The following RETNLB variants were observed in gnomAD, a reference collection of about 807,000 sequenced individuals.
RETNLB encodes the protein resistin-like beta.
Under a neutral mutation model 6.8 loss-of-function variants are expected in RETNLB, and 11 were observed. The ratio of observed to expected loss-of-function variants is 1.62; its 90% confidence interval spans 1.02 to 2.68. The LOEUF (loss-of-function observed/expected upper bound fraction) is 2.68. Ranked by LOEUF, RETNLB falls within the 30% of genes most tolerant of loss-of-function variation. The pLI, the probability that RETNLB is intolerant of heterozygous loss-of-function variation, is 0.00. For missense variants in RETNLB, 146 were observed against 135.7 expected, an observed-to-expected ratio of 1.08 and a Z score of -0.38; for synonymous variants, 57 against 54.2, an observed-to-expected ratio of 1.05 and a Z score of -0.23.
chr3:108,756,589 C>G lies in RETNLB; in HGVS notation c.128-1G>C. Reference sequence around the variant, plus strand: ...TTGCTTATAGGAGAGGGACTGTACTCTGAGTAGGAAAGAAGAAAGGGTACA... The same window carrying G: ...TTGCTTATAGGAGAGGGACTGTACTGTGAGTAGGAAAGAAGAAAGGGTACA... On this transcript the variant is annotated splice_acceptor_variant, in intron 1 of 2. Transcript: ENST00000295755. LOFTEE classifies it high-confidence loss of function. 6.2e-7 allele frequency: 1 copy of G among 1,605,674 alleles called. No homozygotes were observed. Among genetic ancestry groups the G allele is most frequent in the Non-Finnish European group, 8.5e-7 (1 of 1,172,330 alleles).
intron 1 of RETNLB, 57 bp from the exon 2 acceptor site, chr3:108,756,645 TA>T: frequency 8.2e-7 from 1 of 1,225,730 alleles, no homozygotes; most frequent in Non-Finnish European, 1.2e-6. Context: ...ATAATCCCCT[TA>T]TCCCCTTCCA....
At position 108,757,204 on chromosome 3, in the gene RETNLB, C is replaced by G. The variant is rs1309680558; in HGVS notation, c.-19G>C. On this transcript the variant is annotated 5_prime_UTR_variant, in exon 1 of 3. Transcript: ENST00000295755. ...GCCCCATCCTGTACAGAGTCAGTGT[C>G]CTGGGGCTGGGAGAAAAGATGGAAA... The G allele has an allele frequency of 2.5e-6, 4 of 1,601,470 alleles. No individual in the cohort carries two copies. The highest frequency in any genetic ancestry group is 2.6e-6 in the Non-Finnish European group (3 of 1,173,390).
intron 1 of RETNLB, 77 bp downstream of exon 1, chr3:108,756,982 A>G (rs1945254818): frequency 1.3e-6 from 2 of 1,523,204 alleles, no homozygotes; most frequent in Admixed American, 1.8e-5. Flanking sequence ...GGGATGGGAT[A>G]GAGACAAAGC....
Position 108,756,523 on chromosome 3 carries a change from A to G in RETNLB, c.193T>C (p.Ser65Pro). 6.2e-7 allele frequency: 1 copy of G among 1,611,826 alleles called. No homozygotes were observed. The highest frequency in any genetic ancestry group is 8.5e-7 in the Non-Finnish European group (1 of 1,177,946). ...AGTTACTCACCAGCAGGGCAGGAGG[A>G]CGGTCTGCCTTGGCTTTTGACACTA... Reference protein sequence around the residue: ...CASVKSQGRPSSCPAGMAVTG... With the variant: ...CASVKSQGRPPSCPAGMAVTG... Residue 65 changes from serine (S) to proline (P), a missense_variant, in exon 2 of 3, where the codon TCC becomes CCC. Physicochemically the swap from Ser to Pro is moderately conservative, Grantham distance 74 (BLOSUM62 -1). Coordinates refer to ENST00000295755, the MANE Select transcript of RETNLB (RefSeq NM_032579.3).
chr3:108,755,767 C>A lies in RETNLB; in HGVS notation c.*11G>T. ...CATGGTCACAAAACTGAGTTCTCAGCCTCCTCCCTGTCAGGTCAGGTGGCA... is the reference window on the plus strand; with the variant it reads ...CATGGTCACAAAACTGAGTTCTCAGACTCCTCCCTGTCAGGTCAGGTGGCA... On this transcript the variant is annotated 3_prime_UTR_variant, in exon 3 of 3. Coordinates refer to ENST00000295755, the MANE Select transcript of RETNLB (RefSeq NM_032579.3). 6.2e-7 allele frequency: 1 copy of A among 1,613,004 alleles called. No individual in the cohort carries two copies.
rs775789694 is a variant in RETNLB, at chr3:108,755,821, C to T, written c.293G>A (p.Ser98Asn). The change falls in exon 3 of 3, where the codon AGT becomes AAT. Residue 98 changes from serine to asparagine, a missense_variant. By Grantham distance (46) the Ser-to-Asn change is conservative (BLOSUM62 1). Coordinates refer to ENST00000295755, the MANE Select transcript of RETNLB (RefSeq NM_032579.3). Reference protein sequence around the residue: ...QLETTCHCQCSVVDWTTARCC... With the variant: ...QLETTCHCQCNVVDWTTARCC... ...GCGGGCAGTGGTCCAGTCCACCACA[C>T]TGCACTGGCAGTGGCAGGTGGTTTC... The T allele has an allele frequency of 1.2e-6, 2 of 1,614,180 alleles. No individual in the cohort carries two copies. The highest frequency in any genetic ancestry group is 3.3e-5 in the Admixed American group (2 of 60,034).
Position 108,756,654 on chromosome 3 carries a change from C to T in RETNLB, c.128-66G>A, listed in dbSNP as rs917444348. On this transcript the variant is annotated intron_variant, in intron 1 of 2. Transcript: ENST00000295755. ...CTCCCCATAATCCCCTTATCCCCTT[C>T]CAAATTGTCTTCTACCTTGGAGGTG... 1.2e-5 allele frequency: 14 copies of T among 1,158,032 alleles called. No individual in the cohort carries two copies. The African/African-American group carries it at 2.0e-4, about 16-fold the overall frequency. 71.7% of individuals were successfully genotyped at this position (1,158,032 alleles called of 1,614,324 possible). A position where few individuals can be genotyped will look rare whatever the true frequency, so the allele number is the denominator to read the frequency against.
rs368607927 is a variant in RETNLB, at chr3:108,757,215, G to A, written c.-30C>T. On this transcript the variant is annotated 5_prime_UTR_variant, in exon 1 of 3. Coordinates refer to ENST00000295755, the MANE Select transcript of RETNLB (RefSeq NM_032579.3). ...TACAGAGTCAGTGTCCTGGGGCTGG[G>A]AGAAAAGATGGAAAGCAGCTTAGAT... The A allele has an allele frequency of 6.3e-6, 10 of 1,596,142 alleles. No homozygotes were observed. Among genetic ancestry groups the A allele is most frequent in the Non-Finnish European group, 8.5e-6 (10 of 1,170,626 alleles).
chr3:108,756,995 G>C, intron 1 of RETNLB, 64 bp downstream of exon 1: 1 of 1,560,094 alleles, frequency 6.4e-7, no homozygotes, highest in Non-Finnish European at 8.7e-7. Flanking sequence ...GACAAAGCTA[G>C]AGTTTAAGAA....
Position 108,757,064 on chromosome 3 carries a change from C to T in RETNLB, c.122G>A (p.Ser41Asn). The T allele has an allele frequency of 6.2e-7, 1 of 1,613,496 alleles. No homozygotes were observed. The highest frequency in any genetic ancestry group is 8.5e-7 in the Non-Finnish European group (1 of 1,179,676). ...MDKKIKDVLN[S>N]LEYSPSPISK... ...CCCCTACCCCAGTCAGTTACCTAGA[C>T]TGTTGAGAACATCCTTGATCTTCTT... Residue 41 changes from serine (S) to asparagine (N), a missense_variant, in exon 1 of 3, where the codon AGT (serine) becomes AAT (asparagine). Transcript: ENST00000295755.
chr3:108,755,860 C>T lies in RETNLB; in HGVS notation c.254G>A (p.Trp85Ter). The T allele has an allele frequency of 6.2e-7, 1 of 1,614,150 alleles. No homozygotes were observed. Among genetic ancestry groups the T allele is most frequent in the Non-Finnish European group, 8.5e-7 (1 of 1,180,026 alleles). The change falls in exon 3 of 3, where the codon TGG (tryptophan) becomes TAG (stop). Residue 85 changes from tryptophan to a stop codon, truncating the protein, a stop_gained. Coordinates refer to ENST00000295755, the MANE Select transcript of RETNLB (RefSeq NM_032579.3). LOFTEE classifies it low-confidence loss of function (END_TRUNC). ...GCAGGTGGTTTCCAGCTGAACATCC[C>T]ACGAACCACAGCCATAGCCACAAGC... ...GCACGYGCGSWDVQLETTCHC... is the reference protein window; with the variant it reads ...GCACGYGCGS
chr3:108,756,964 G>A (rs1445526846), intron 1 of RETNLB, 95 bp downstream of exon 1: 65 of 1,440,618 alleles, frequency 4.5e-5, no homozygotes, highest in Non-Finnish European at 5.8e-5. Context: ...GGGCTTGGTT[G>A]GGATCTTGGG....
Position 108,757,238 on chromosome 3 carries a change from G to C in RETNLB, c.-53C>G, listed in dbSNP as rs1945257361. The C allele has an allele frequency of 6.3e-7, 1 of 1,578,326 alleles. No homozygotes were observed. The highest frequency in any genetic ancestry group is 1.3e-5 in the African/African-American group (1 of 74,372). On this transcript the variant is annotated 5_prime_UTR_variant, in exon 1 of 3. It adds an upstream start codon to the 5' untranslated region. Transcript: ENST00000295755. Reference sequence around the variant, plus strand: ...GGGAGAAAAGATGGAAAGCAGCTTAGATCTCTGAGCTCCTGGGTGGTGGTG... The same window carrying C: ...GGGAGAAAAGATGGAAAGCAGCTTACATCTCTGAGCTCCTGGGTGGTGGTG...
At position 108,757,387 on chromosome 3, in the gene RETNLB, C is replaced by A; in HGVS notation, c.-202G>T. On this transcript the variant is annotated 5_prime_UTR_variant, in exon 1 of 3. Coordinates refer to ENST00000295755, the MANE Select transcript of RETNLB (RefSeq NM_032579.3). ...GGTTGCTGAAGAACAGATTTATTCA[C>A]CAAAACATTCAGAGAAGGTCTACAA... The A allele has an allele frequency of 2.2e-6, 1 of 464,820 alleles. No homozygotes were observed. Among genetic ancestry groups the A allele is most frequent in the Non-Finnish European group, 3.7e-6 (1 of 270,222 alleles). The allele number at this position is 464,820 out of a possible 1,614,324, so 28.8% of individuals were successfully genotyped here.
At chr3:108,757,030 C>A (rs774177085) in intron 1 of RETNLB, 29 bp downstream of exon 1, 3 of 1,604,606 alleles carry the variant, frequency 1.9e-6, no homozygotes, top group Admixed American at 3.4e-5. Flanking sequence ...AAGGGTCAAC[C>A]CCCCGCTTCC....
rs1945252239 is a variant in RETNLB at position 108,756,594 on chromosome 3, T to C, written c.128-6A>G. Reference sequence around the variant, plus strand: ...TATAGGAGAGGGACTGTACTCTGAGTAGGAAAGAAGAAAGGGTACATCCCA... The same window carrying C: ...TATAGGAGAGGGACTGTACTCTGAGCAGGAAAGAAGAAAGGGTACATCCCA... On this transcript the variant is annotated splice_polypyrimidine_tract_variant and splice_region_variant and intron_variant, in intron 1 of 2. Transcript: ENST00000295755. 6 of 1,598,804 alleles carry C rather than the reference T, an allele frequency of 3.8e-6. No individual in the cohort carries two copies. Among genetic ancestry groups the C allele is most frequent in the East Asian group, 2.2e-5 (1 of 44,798 alleles).
At chr3:108,756,642 C>A in intron 1 of RETNLB, 54 bp from the exon 2 acceptor site, 4 of 1,233,834 alleles carry the variant, frequency 3.2e-6, no homozygotes. Flanking sequence ...CCCATAATCC[C>A]CTTATCCCCT....
intron 2 of RETNLB, among the ~76,000 whole-genome samples, 188 bp downstream of exon 2, chr3:108,756,320 A>G (rs909058922): frequency 1.3e-5 from 2 of 152,148 alleles, no homozygotes; most frequent in African/African-American, 2.4e-5. Context: ...GAAGCCCAAG[A>G]TCCCCCAGTA....
At chr3:108,756,630 T>C in intron 1 of RETNLB, 42 bp from the exon 2 acceptor site, 1 of 1,323,488 alleles carries the variant, frequency 7.6e-7, no homozygotes, top group Non-Finnish European at 1.1e-6. Context: ...TGAGCTATCC[T>C]CCCCATAATC....
Sources: gnomAD v4.1 joint callset for allele counts (sites outside exome capture counted in the v4.1 genomes callset) on GRCh38, gnomAD v4.1.1 for gene constraint, MANE v1.5 for transcripts, NCBI Gene and HGNC (gene_info 2026-07-23, HGNC 2026-07-21) for gene names.